Variants in USP31 observed in about 807,000 individuals in gnomAD.
The protein encoded by USP31 is ubiquitin carboxyl-terminal hydrolase 31.
Under a neutral mutation model 119.4 loss-of-function variants are expected in USP31, and 44 were observed. The observed-to-expected ratio is 0.37, with a 90% CI of 0.29 to 0.47. The LOEUF (loss-of-function observed/expected upper bound fraction) is 0.47, where lower values mean the gene tolerates loss of function less well. Among genes scored for constraint, USP31 ranks in the 20% least tolerant of loss-of-function variants. The pLI is 0.99. For synonymous variants in USP31, 749 were observed against 705.6 expected, an observed-to-expected ratio of 1.06 and a Z score of -0.97; for missense variants, 1,643 against 1,730.2, an observed-to-expected ratio of 0.95 and a Z score of 0.89.
intron 15 of USP31, among the ~76,000 whole-genome samples, chr16:23,071,747 GA>G (rs11383816): frequency 2.7e-5 from 4 of 145,694 alleles, no homozygotes; most frequent in Admixed American, 6.8e-5. Flanking sequence ...AACACTTTGG[GA>G]AAAAAAAAAA....
chr16:23,138,307 T>C (rs1052370010), intron 1 of USP31, among the ~76,000 whole-genome samples: 9 of 152,138 alleles, frequency 5.9e-5, no homozygotes, highest in African/African-American at 2.2e-4. Flanking sequence ...AAATAAAACA[T>C]GTCTAAAATA....
At chr16:23,123,537 C>CAAAT (rs1035316965) in intron 1 of USP31, among the ~76,000 whole-genome samples, 38 of 151,748 alleles carry the variant, frequency 2.5e-4, no homozygotes, top group East Asian at 9.7e-4. Context: ...GGCTGCATCT[C>CAAAT]AAATAAATAA....
chr16:23,079,145 T>C (rs983045484), intron 13 of USP31: 2 of 152,202 alleles, frequency 1.3e-5, no homozygotes, highest in Non-Finnish European at 2.9e-5. Flanking sequence ...ATAGTGATAA[T>C]GGTTGCACAA....
chr16:23,085,056 G>A, intron 10 of USP31, 67 bp from the exon 11 acceptor site: 1 of 1,581,204 alleles, frequency 6.3e-7, no homozygotes, highest in South Asian at 1.1e-5. Context: ...ATACAATTAT[G>A]GCTTCATGAA....
In USP31 at chr16:23,148,960, G is replaced by A. The variant is rs1288233373; in HGVS notation, c.311C>T (p.Pro104Leu). ...FPPGPAAAPT[P>L]PPCPPPPASP... ...GGCGGGCGGCGGCGGGCACGGCGGCGGCGTGGGCGCGGCGGCCGGCCCGGG... is the reference window on the plus strand; with the variant it reads ...GGCGGGCGGCGGCGGGCACGGCGGCAGCGTGGGCGCGGCGGCCGGCCCGGG... The change falls in exon 1 of 16, where the codon CCG (proline) becomes CTG (leucine). Residue 104 changes from proline (P) to leucine (L), a missense_variant. Physicochemically the swap from Pro to Leu is moderately conservative, Grantham distance 98. Around this residue, in one of 5 missense-constraint regions of USP31, gnomAD observed 302 missense variants for 262.6 expected, o/e 1.15. Transcript: ENST00000219689. 1 of 1,019,212 alleles carries A rather than the reference G, an allele frequency of 9.8e-7. No homozygotes were observed. Among genetic ancestry groups the A allele is most frequent in the African/African-American group, 1.8e-5 (1 of 56,532 alleles). The allele number at this position is 1,019,212 out of a possible 1,614,324, so 63.1% of individuals were successfully genotyped here.
chr16:23,114,751 G>C (rs1312492893), intron 1 of USP31, among the ~76,000 whole-genome samples: 2 of 152,090 alleles, frequency 1.3e-5, no homozygotes, highest in Non-Finnish European at 1.5e-5. Context: ...CACAATACTC[G>C]TAACTAGGGC....
chr16:23,071,136 A>C (rs924516738), intron 15 of USP31, among the ~76,000 whole-genome samples: 13 of 152,238 alleles, frequency 8.5e-5, no homozygotes, highest in African/African-American at 2.9e-4. Context: ...TTACAAATAA[A>C]GAGGAAGAGG....
intron 1 of USP31, among the ~76,000 whole-genome samples, chr16:23,146,507 G>A (rs537417934): frequency 2.6e-3 from 394 of 152,122 alleles, no homozygotes; most frequent in Admixed American, 5.4e-3. Flanking sequence ...CAGCCTGGGC[G>A]ACAGAGTGAG....
chr16:23,090,420 C>A (rs575582829), intron 7 of USP31, among the ~76,000 whole-genome samples: 3 of 152,016 alleles, frequency 2.0e-5, no homozygotes, highest in African/African-American at 7.2e-5. Flanking sequence ...ACAACAACAA[C>A]AACAAAAAAC....
intron 13 of USP31, among the ~76,000 whole-genome samples, chr16:23,078,190 T>C (rs1158901903): frequency 1.3e-5 from 2 of 151,370 alleles, no homozygotes; most frequent in Non-Finnish European, 2.9e-5. Flanking sequence ...TGTGTGCCTG[T>C]AGTCCCAGCT....
chr16:23,142,912 T>C (rs1903392782), intron 1 of USP31, among the ~76,000 whole-genome samples: 1 of 152,180 alleles, frequency 6.6e-6, no homozygotes. Context: ...AGTATCAGTA[T>C]ACTAAAGAGC....
In USP31 at chr16:23,148,696, T is replaced by C; in HGVS notation, c.575A>G (p.His192Arg). The change falls in exon 1 of 16, where the codon CAC (histidine) becomes CGC (arginine). Residue 192 changes from histidine to arginine, a missense_variant. By Grantham distance (29) the His-to-Arg change is conservative. Around this residue, in one of 5 missense-constraint regions of USP31, gnomAD observed 144 missense variants for 218.0 expected, o/e 0.66. Transcript: ENST00000219689. ...CAGGGTCCAGAGGGCCCGCACCAGGTGCGCCAGCTGCTCAGTGACCTCGCC... is the reference window on the plus strand; with the variant it reads ...CAGGGTCCAGAGGGCCCGCACCAGGCGCGCCAGCTGCTCAGTGACCTCGCC... ...GQGEVTEQLA[H>R]LVRALWTLEY... The C allele has an allele frequency of 6.7e-7, 1 of 1,492,218 alleles. No individual in the cohort carries two copies. 92.4% of individuals were successfully genotyped at this position (1,492,218 alleles called of 1,614,324 possible).
intron 13 of USP31, chr16:23,079,712 A>T (rs1898134254): frequency 4.4e-6 from 2 of 452,388 alleles, no homozygotes; most frequent in South Asian, 8.6e-5. Context: ...TGCCATCTGC[A>T]CATACCACTC....
chr16:23,131,625 T>C (rs1903033536), intron 1 of USP31, among the ~76,000 whole-genome samples: 1 of 152,016 alleles, frequency 6.6e-6, no homozygotes, highest in Non-Finnish European at 1.5e-5. Flanking sequence ...AGTGTAGCAA[T>C]GAATGGGAGG....
At chr16:23,142,152 C>G (rs1903371338) in intron 1 of USP31, among the ~76,000 whole-genome samples, 1 of 152,200 alleles carries the variant, frequency 6.6e-6, no homozygotes, top group Non-Finnish European at 1.5e-5. Context: ...TCATAATTAT[C>G]CCATGTATTT....
In USP31 at chr16:23,069,529, T is replaced by C. The variant is rs1349662433; in HGVS notation, c.2576A>G (p.Asn859Ser). The C allele has an allele frequency of 4.3e-6, 7 of 1,614,086 alleles. No individual in the cohort carries two copies. The highest frequency in any genetic ancestry group is 2.7e-5 in the African/African-American group (2 of 74,942). The stretch of plus-strand genomic sequence containing the variant: ...CCATGAAGGTCTCATGCAATTTTCA[T>C]TGACGGCCAAGGGGCTGGTGACAGA... ...RSSVTSPLAV[N>S]ENCMRPSWSL... Residue 859 changes from asparagine (N) to serine (S), a missense_variant, in exon 16 of 16, where the codon AAT (asparagine) becomes AGT (serine). Physicochemically the swap from Asn to Ser is conservative, Grantham distance 46 (BLOSUM62 1). Coordinates refer to ENST00000219689, the MANE Select transcript of USP31 (RefSeq NM_020718.4).
At chr16:23,137,529 A>G (rs978933524) in intron 1 of USP31, among the ~76,000 whole-genome samples, 1 of 152,004 alleles carries the variant, frequency 6.6e-6, no homozygotes, top group African/African-American at 2.4e-5. Flanking sequence ...TATCACATTG[A>G]TAAGTGATAA....
intron 1 of USP31, among the ~76,000 whole-genome samples, chr16:23,138,645 A>C (rs368104276): frequency 1.3e-5 from 2 of 152,188 alleles, no homozygotes; most frequent in East Asian, 3.9e-4. Flanking sequence ...TCTACCTTGT[A>C]CCTTGTACCC....
At position 23,069,073 on chromosome 16, in the gene USP31, T is replaced by G; in HGVS notation, c.3032A>C (p.His1011Pro). The G allele has an allele frequency of 6.2e-7, 1 of 1,612,450 alleles. No homozygotes were observed. Among genetic ancestry groups the G allele is most frequent in the Non-Finnish European group, 8.5e-7 (1 of 1,180,000 alleles). ...SPVKEVKAPS[H>P]PGSLAKKPES... ...TGGTTTCTTTGCGAGTGAGCCTGGG[T>G]GGCTGGGGGCTTTCACCTCTTTGAC... The change falls in exon 16 of 16, where the codon CAC becomes CCC. Residue 1011 changes from histidine to proline, a missense_variant. Physicochemically the swap from His to Pro is moderately conservative, Grantham distance 77. Transcript: ENST00000219689.
Sources: allele counts gnomAD v4.1 joint callset (sites outside exome capture counted in the v4.1 genomes callset), GRCh38; gene constraint gnomAD v4.1.1; regional missense constraint gnomAD v4.1.1; transcripts MANE v1.5; gene names NCBI Gene and HGNC (gene_info 2026-07-23, HGNC 2026-07-21).